The following DCC variants were observed in gnomAD, a reference collection of about 807,000 sequenced individuals.
DCC encodes netrin receptor DCC.
A neutral mutation model predicts 172.5 loss-of-function variants in DCC; 58 were observed. The observed-to-expected ratio is 0.34, with a 90% CI of 0.27 to 0.42. The LOEUF (loss-of-function observed/expected upper bound fraction) is 0.42, where lower values mean the gene tolerates loss of function less well. DCC is among the 10% of genes least tolerant of loss of function. DCC has a pLI of 1.00. For synonymous variants in DCC, 709 were observed against 644.5 expected (o/e 1.10, Z -1.52); for missense variants, 1,740 against 1,791.0 (o/e 0.97, Z 0.51).
chr18:52,533,952 G>A (rs1341557541), intron 1 of DCC, among the ~76,000 whole-genome samples: 1 of 152,030 alleles, frequency 6.6e-6, no homozygotes, highest in African/African-American at 2.4e-5. Flanking sequence ...TAAGTAGGTA[G>A]TGAATATGTG....
chr18:52,473,550 G>A (rs1989006308), intron 1 of DCC, among the ~76,000 whole-genome samples: 1 of 152,156 alleles, frequency 6.6e-6, no homozygotes. Flanking sequence ...TAGTGGAAGG[G>A]GAAGCAAATA....
chr18:53,146,467 A>C (rs2043917568), intron 7 of DCC, among the ~76,000 whole-genome samples: 1 of 152,200 alleles, frequency 6.6e-6, no homozygotes, highest in South Asian at 2.1e-4. Context: ...ACTCTTTGCC[A>C]AGTCCTTTTA....
chr18:52,371,472 A>G (rs1985119332), intron 1 of DCC, among the ~76,000 whole-genome samples: 1 of 152,216 alleles, frequency 6.6e-6, no homozygotes. Context: ...CTAATTTTTT[A>G]GAGAGAACGT....
chr18:52,397,023 T>A (rs1986256328), intron 1 of DCC, among the ~76,000 whole-genome samples: 1 of 152,074 alleles, frequency 6.6e-6, no homozygotes, highest in Non-Finnish European at 1.5e-5. Flanking sequence ...AAAGGTATTT[T>A]CCTTTAGAAA....
At chr18:53,053,715 A>G (rs1188574729) in intron 5 of DCC, among the ~76,000 whole-genome samples, 1 of 152,178 alleles carries the variant, frequency 6.6e-6, no homozygotes, top group African/African-American at 2.4e-5. Flanking sequence ...GAAAAATAAT[A>G]GCTCTCAAAT....
At chr18:52,994,841 G>C (rs2041453316) in intron 5 of DCC, among the ~76,000 whole-genome samples, 1 of 151,928 alleles carries the variant, frequency 6.6e-6, no homozygotes. Flanking sequence ...GTTTCTTCTT[G>C]GAGAATGGGC....
At chr18:52,888,160 C>A (rs2145416568) in intron 2 of DCC, among the ~76,000 whole-genome samples, 1 of 152,172 alleles carries the variant, frequency 6.6e-6, no homozygotes, top group East Asian at 1.9e-4. Flanking sequence ...TGTTGTGCTT[C>A]CTGTTTGAAA....
chr18:52,921,159 A>G (rs1412806708), intron 3 of DCC, among the ~76,000 whole-genome samples: 1 of 152,046 alleles, frequency 6.6e-6, no homozygotes, highest in Non-Finnish European at 1.5e-5. Flanking sequence ...GGTGTAAATA[A>G]TGTCAGCTAT....
chr18:53,453,393 A>C (rs957158382), intron 23 of DCC, among the ~76,000 whole-genome samples: 5 of 152,196 alleles, frequency 3.3e-5, no homozygotes, highest in African/African-American at 4.8e-5. Flanking sequence ...GTAATTAATA[A>C]GTTGAAGTAG....
intron 27 of DCC, among the ~76,000 whole-genome samples, chr18:53,516,435 A>C (rs374332324): frequency 0.016 from 2,239 of 136,134 alleles, 69 homozygotes; most frequent in African/African-American, 0.072. Flanking sequence ...GCAACAAAAG[A>C]CAAAATTGAC....
At chr18:53,229,128 G>C (rs981094464) in intron 12 of DCC, among the ~76,000 whole-genome samples, 4 of 152,112 alleles carry the variant, frequency 2.6e-5, no homozygotes, top group African/African-American at 9.7e-5. Flanking sequence ...ATGATCTACA[G>C]ATCCCACTAT....
At chr18:52,817,407 T>G (rs1021785095) in intron 2 of DCC, among the ~76,000 whole-genome samples, 2 of 152,160 alleles carry the variant, frequency 1.3e-5, no homozygotes, top group African/African-American at 2.4e-5. Context: ...AGTCCTTCAG[T>G]AGTCATCTTT....
At chr18:52,869,274 G>A (rs2039280085) in intron 2 of DCC, among the ~76,000 whole-genome samples, 1 of 152,222 alleles carries the variant, frequency 6.6e-6, no homozygotes. Context: ...AAAGCTCAGA[G>A]GAGACCCACA....
At chr18:53,268,867 A>C (rs1385040862) in intron 12 of DCC, among the ~76,000 whole-genome samples, 5 of 152,162 alleles carry the variant, frequency 3.3e-5, no homozygotes. Flanking sequence ...GGGAATGAGG[A>C]TGGATGAGTG....
chr18:53,372,795 T>C (rs1411572926), intron 15 of DCC, among the ~76,000 whole-genome samples: 1 of 152,066 alleles, frequency 6.6e-6, no homozygotes, highest in East Asian at 1.9e-4. Flanking sequence ...TTGTGCCTCC[T>C]TAGGGAGAAA....
At chr18:52,630,505 A>G (rs747408917) in intron 1 of DCC, among the ~76,000 whole-genome samples, 10 of 152,238 alleles carry the variant, frequency 6.6e-5, no homozygotes, top group Non-Finnish European at 1.2e-4. Context: ...TAATGCTTAT[A>G]AATTTAAGAA....
intron 1 of DCC, among the ~76,000 whole-genome samples, chr18:52,406,256 G>A (rs1214506527): frequency 6.7e-6 from 1 of 149,556 alleles, no homozygotes; most frequent in Admixed American, 6.7e-5. Flanking sequence ...CAGGACATAG[G>A]CATGGTCAAG....
intron 1 of DCC, among the ~76,000 whole-genome samples, chr18:52,544,723 G>C (rs2032563947): frequency 1.3e-5 from 2 of 151,930 alleles, no homozygotes; most frequent in Admixed American, 1.3e-4. Context: ...TGTAGATATA[G>C]ATAGATATAG....
At chr18:53,349,991 T>C (rs2057770577) in intron 15 of DCC, among the ~76,000 whole-genome samples, 1 of 152,186 alleles carries the variant, frequency 6.6e-6, no homozygotes, top group Non-Finnish European at 1.5e-5. Context: ...TAAATAATCA[T>C]TTTATAAAGT....
Sources: gnomAD v4.1 joint callset for allele counts (sites outside exome capture counted in the v4.1 genomes callset) on GRCh38, gnomAD v4.1.1 for gene constraint, MANE v1.5 for transcripts, NCBI Gene and HGNC (gene_info 2026-07-23, HGNC 2026-07-21) for gene names.